The following STARD13 variants were observed in gnomAD, a reference collection of about 807,000 sequenced individuals.
STARD13 encodes stAR-related lipid transfer protein 13.
A neutral mutation model predicts 106.4 loss-of-function variants in STARD13; 62 were observed. The ratio of observed to expected loss-of-function variants is 0.58; its 90% confidence interval spans 0.48 to 0.72. STARD13 has a LOEUF of 0.72. Ranked by LOEUF, STARD13 falls within the 30% of genes least tolerant of loss-of-function variation. STARD13 has a pLI of 0.00. For synonymous variants in STARD13, 565 were observed against 553.0 expected, an observed-to-expected ratio of 1.02 and a Z score of -0.31; for missense variants, 1,387 against 1,424.0, an observed-to-expected ratio of 0.97 and a Z score of 0.42.
At chr13:33,575,176 A>C in the STARD13 span, among the ~76,000 whole-genome samples, 1 of 152,004 alleles carries the variant, frequency 6.6e-6, no homozygotes. Context: ...TCAGCCTCCC[A>C]AAATGCTGGG....
chr13:33,539,774 T>C, the STARD13 span, among the ~76,000 whole-genome samples: 1 of 152,254 alleles, frequency 6.6e-6, no homozygotes, highest in East Asian at 1.9e-4. Flanking sequence ...GAGGATTTTA[T>C]GAACAGCTTT....
At chr13:33,481,193 C>T in the STARD13 span, among the ~76,000 whole-genome samples, 1 of 150,628 alleles carries the variant, frequency 6.6e-6, no homozygotes, top group Non-Finnish European at 1.5e-5. Flanking sequence ...CAAGACATAA[C>T]CAAATAGTAG....
At chr13:33,523,228 T>A in the STARD13 span, among the ~76,000 whole-genome samples, 42,767 of 151,692 alleles carry the variant, frequency 0.28, 7,342 homozygotes, top group Non-Finnish European at 0.39. Context: ...CTCTTCTTTG[T>A]CAGGCAGAAG....
chr13:33,483,060 C>T, the STARD13 span, among the ~76,000 whole-genome samples: 6 of 152,170 alleles, frequency 3.9e-5, no homozygotes, highest in Non-Finnish European at 5.9e-5. Flanking sequence ...ATGCATTTCC[C>T]TATAGAACTT....
chr13:33,487,333 G>A, the STARD13 span, among the ~76,000 whole-genome samples: 1 of 152,014 alleles, frequency 6.6e-6, no homozygotes, highest in Non-Finnish European at 1.5e-5. Flanking sequence ...CATTTTCCCT[G>A]GGATCTAGTT....
chr13:33,352,304 G>A (rs1326753936), upstream of STARD13, among the ~76,000 whole-genome samples: 5 of 152,176 alleles, frequency 3.3e-5, no homozygotes, highest in Non-Finnish European at 7.3e-5. Flanking sequence ...CTGCTATACA[G>A]TGTAACAACA....
rs146700686 is a variant in STARD13 at position 33,141,281 on chromosome 13, C to T, written c.387+1029G>A. Among the ~76,000 whole-genome samples, 169 of 152,316 alleles carry T rather than the reference C, an allele frequency of 1.1e-3. 1 individual carries two copies. Among genetic ancestry groups the T allele is most frequent in the African/African-American group, 3.8e-3 (156 of 41,560 alleles). ...ACACCTCCGAGGTAGAAACCCTGCTCCGCCGCTAGCTGCAAGATCGTGGGC... is the reference window on the plus strand; with the variant it reads ...ACACCTCCGAGGTAGAAACCCTGCTTCGCCGCTAGCTGCAAGATCGTGGGC... On this transcript the variant is annotated intron_variant, in intron 4 of 13. Coordinates refer to ENST00000336934, the MANE Select transcript of STARD13 (RefSeq NM_178006.4).
In STARD13 at chr13:33,147,213, T is replaced by A. The variant is rs139500675; in HGVS notation, c.324-4840A>T. On this transcript the variant is annotated intron_variant, in intron 3 of 13. Coordinates refer to ENST00000336934, the MANE Select transcript of STARD13 (RefSeq NM_178006.4). Reference sequence around the variant, plus strand: ...AGCTTAAAAAGAATATCTGGGAGAATGAGATGTCCATAGGGGACTTAGAAA... The same window carrying A: ...AGCTTAAAAAGAATATCTGGGAGAAAGAGATGTCCATAGGGGACTTAGAAA... Among the ~76,000 whole-genome samples the A allele has an allele frequency of 3.0e-3, 454 of 152,196 alleles. 3 individuals carry two copies. The Middle Eastern group carries it at 0.051, about 17-fold the overall frequency.
At chr13:33,619,336 C>T in the STARD13 span, among the ~76,000 whole-genome samples, 1 of 152,100 alleles carries the variant, frequency 6.6e-6, no homozygotes, top group Non-Finnish European at 1.5e-5. Context: ...TAGACTGGCT[C>T]TGTTCTCTAG....
the STARD13 span, among the ~76,000 whole-genome samples, chr13:33,426,715 T>G: frequency 6.6e-6 from 1 of 152,214 alleles, no homozygotes; most frequent in Non-Finnish European, 1.5e-5. Context: ...TATCTGTCCA[T>G]TTCCTTTCAG....
At chr13:33,175,095 G>C (rs987310014) in intron 1 of STARD13, among the ~76,000 whole-genome samples, 3 of 152,180 alleles carry the variant, frequency 2.0e-5, no homozygotes, top group African/African-American at 7.2e-5. Context: ...GTCAATCTGA[G>C]AGAAAAAGAA....
the STARD13 span, among the ~76,000 whole-genome samples, chr13:33,528,257 C>CATATATATGTGTATATATATATAT: frequency 1.1e-5 from 1 of 92,930 alleles, no homozygotes; most frequent in South Asian, 2.9e-4. Flanking sequence ...TATATATATA[C>CATATATATGTGTATATATATATAT]ATATATATAT....
chr13:33,666,752 G>A, the STARD13 span, among the ~76,000 whole-genome samples: 2 of 151,918 alleles, frequency 1.3e-5, no homozygotes, highest in East Asian at 1.9e-4. Flanking sequence ...CACCACACCC[G>A]GCTAATTTTT....
chr13:33,368,672 A>G, the STARD13 span, among the ~76,000 whole-genome samples: 6 of 152,154 alleles, frequency 3.9e-5, no homozygotes, highest in Non-Finnish European at 7.4e-5. Context: ...CTGCGCTGTG[A>G]AGGGTCTTAA....
the STARD13 span, among the ~76,000 whole-genome samples, chr13:33,431,079 T>C: frequency 6.6e-6 from 1 of 152,230 alleles, no homozygotes; most frequent in East Asian, 1.9e-4. Context: ...TGGATATTTC[T>C]AGCATAGAGA....
At chr13:33,610,520 C>T in the STARD13 span, among the ~76,000 whole-genome samples, 2 of 152,248 alleles carry the variant, frequency 1.3e-5, no homozygotes, top group Non-Finnish European at 2.9e-5. Flanking sequence ...GCTGCTCCTG[C>T]GCCTGCGCTG....
chr13:33,468,777 A>G, the STARD13 span, among the ~76,000 whole-genome samples: 1 of 152,194 alleles, frequency 6.6e-6, no homozygotes, highest in East Asian at 1.9e-4. Flanking sequence ...CACAGCATGG[A>G]CTAAGACAGT....
chr13:33,163,698 ACATATATATAAAACATATATATAAC>A (rs1882988346), intron 3 of STARD13, among the ~76,000 whole-genome samples: 1 of 128,576 alleles, frequency 7.8e-6, no homozygotes, highest in African/African-American at 3.2e-5. Flanking sequence ...TATATATATA[ACATATATATAAAACATATATATAAC>A]ATATATAAAA....
chr13:33,517,178 G>A, the STARD13 span, among the ~76,000 whole-genome samples: 3 of 152,064 alleles, frequency 2.0e-5, no homozygotes, highest in Non-Finnish European at 4.4e-5. Flanking sequence ...TGCATCATAG[G>A]TTTTTATCAC....
Sources: allele counts gnomAD v4.1 joint callset (sites outside exome capture counted in the v4.1 genomes callset), GRCh38; gene constraint gnomAD v4.1.1; transcripts MANE v1.5; gene names NCBI Gene and HGNC (gene_info 2026-07-23, HGNC 2026-07-21).